NLRP14: variants seen among roughly 807,000 people sequenced by gnomAD.
The protein encoded by NLRP14 is NLR family pyrin domain containing 14, also known as NACHT, LRR and PYD domains-containing protein 14.
In NLRP14, 105 loss-of-function variants were observed where a neutral mutation model predicts 94.7. That is an observed-to-expected ratio of 1.11 (90% CI 0.95 to 1.30). NLRP14 has a LOEUF of 1.30. Ranked by LOEUF, NLRP14 falls within the 50% of genes most tolerant of loss-of-function variation. The pLI is 0.00. For synonymous variants in NLRP14, 508 were observed against 459.9 expected (o/e 1.10, Z -1.34); for missense variants, 1,362 against 1,254.1 (o/e 1.09, Z -1.30).
chr11:7,034,108 G>A (rs926727595), intron 1 of NLRP14, among the ~76,000 whole-genome samples: 8 of 152,200 alleles, frequency 5.3e-5, no homozygotes, highest in Non-Finnish European at 1.0e-4. Flanking sequence ...GTGGGGTGCA[G>A]TTGGGTTAAC....
intron 10 of NLRP14, among the ~76,000 whole-genome samples, chr11:7,067,712 A>G (rs1270211985): frequency 6.6e-6 from 1 of 152,170 alleles, no homozygotes; most frequent in Non-Finnish European, 1.5e-5. Context: ...GTTAATGTTA[A>G]TATTAGTGAC....
chr11:7,028,834 A>T (rs1013930697), intron 1 of NLRP14, among the ~76,000 whole-genome samples: 1 of 152,182 alleles, frequency 6.6e-6, no homozygotes, highest in Admixed American at 6.5e-5. Flanking sequence ...ACTGAGAATT[A>T]AAAAAATGAA....
rs182772894 is a variant in NLRP14, at chr11:7,050,087, G to A, written c.2291+249G>A. ...TCTCCATCTCCTAAATCTGCTGGTGGTGGGAATAAGAGCAGATTCAGAATT... is the reference window on the plus strand; with the variant it reads ...TCTCCATCTCCTAAATCTGCTGGTGATGGGAATAAGAGCAGATTCAGAATT... On this transcript the variant is annotated intron_variant, in intron 6 of 11. Coordinates refer to ENST00000299481, the MANE Select transcript of NLRP14 (RefSeq NM_176822.4). Among the ~76,000 whole-genome samples, 63 of 152,272 alleles carry A rather than the reference G, an allele frequency of 4.1e-4. 1 individual carries two copies. Among genetic ancestry groups the A allele is most frequent in the Non-Finnish European group, 6.8e-4 (46 of 68,038 alleles).
intron 4 of NLRP14, among the ~76,000 whole-genome samples, chr11:7,045,912 C>T (rs1309564119): frequency 2.0e-5 from 3 of 152,002 alleles, no homozygotes; most frequent in African/African-American, 7.3e-5. Context: ...GAAGCTGAGG[C>T]TCACATAGGT....
Position 7,043,615 on chromosome 11 carries a change from G to A in NLRP14, c.1589G>A (p.Cys530Tyr), listed in dbSNP as rs2119621739. ...YKDPHLTQMK[C>Y]FLFGLLNEDR... ...GACCCCCATTTGACACAGATGAAGT[G>A]CTTTTTGTTTGGCCTTTTGAATGAA... Residue 530 changes from cysteine (C) to tyrosine (Y), a missense_variant, in exon 4 of 12, where the codon TGC (cysteine) becomes TAC (tyrosine). Physicochemically the swap from Cys to Tyr is radical, Grantham distance 194. Coordinates refer to ENST00000299481, the MANE Select transcript of NLRP14 (RefSeq NM_176822.4). The A allele has an allele frequency of 1.2e-6, 2 of 1,614,180 alleles. No individual in the cohort carries two copies. Among genetic ancestry groups the A allele is most frequent in the South Asian group, 2.2e-5 (2 of 91,082 alleles).
At chr11:7,025,534 G>T (rs1852002305) in intron 1 of NLRP14, among the ~76,000 whole-genome samples, 1 of 152,116 alleles carries the variant, frequency 6.6e-6, no homozygotes, top group African/African-American at 2.4e-5. Flanking sequence ...ATGTATAAAG[G>T]ATGCAATAAA....
chr11:7,089,084 C>T, the NLRP14 span: 8 of 1,599,950 alleles, frequency 5.0e-6, no homozygotes, highest in African/African-American at 4.0e-5. Context: ...GCCTCACCGC[C>T]TCCCACCGCC....
chr11:7,077,868 A>G, the NLRP14 span, among the ~76,000 whole-genome samples: 1 of 152,294 alleles, frequency 6.6e-6, no homozygotes, highest in South Asian at 2.1e-4. Context: ...GGGTGGGGAC[A>G]CAGCCAAACC....
chr11:7,084,718 TATA>T, the NLRP14 span, among the ~76,000 whole-genome samples: 7 of 152,182 alleles, frequency 4.6e-5, no homozygotes, highest in African/African-American at 1.7e-4. Flanking sequence ...TCATAATCTT[TATA>T]ATAAGCCGGA....
intron 6 of NLRP14, among the ~76,000 whole-genome samples, chr11:7,054,278 G>A (rs1008391422): frequency 1.3e-5 from 2 of 152,040 alleles, no homozygotes; most frequent in Admixed American, 6.6e-5. Flanking sequence ...GGGAGTGCAG[G>A]TATCTCTTCA....
intron 3 of NLRP14, among the ~76,000 whole-genome samples, chr11:7,040,481 C>G (rs888508738): frequency 6.6e-6 from 1 of 152,148 alleles, no homozygotes. Flanking sequence ...CCCTCCCTGC[C>G]CTGCCACCCC....
At chr11:7,089,074 G>C in the NLRP14 span, 1 of 1,588,692 alleles carries the variant, frequency 6.3e-7, no homozygotes, top group East Asian at 2.3e-5. Context: ...GACTGGCGCC[G>C]CCTCACCGCC....
At chr11:7,087,833 C>T in the NLRP14 span, among the ~76,000 whole-genome samples, 3 of 151,904 alleles carry the variant, frequency 2.0e-5, no homozygotes, top group East Asian at 1.9e-4. Flanking sequence ...GCAAAAGTAC[C>T]GAAAGTTATA....
chr11:7,047,580 A>G (rs1371068524), intron 5 of NLRP14, among the ~76,000 whole-genome samples: 1 of 152,096 alleles, frequency 6.6e-6, no homozygotes, highest in Non-Finnish European at 1.5e-5. Flanking sequence ...TGCTGGGATT[A>G]CAGGCATGAG....
the NLRP14 span, chr11:7,089,959 G>C: frequency 6.2e-7 from 1 of 1,613,072 alleles, no homozygotes; most frequent in Non-Finnish European, 8.5e-7. Context: ...GGCTCCCATC[G>C]AGAGCCCTTT....
intron 3 of NLRP14, among the ~76,000 whole-genome samples, chr11:7,041,094 G>A (rs1332451325): frequency 6.6e-6 from 1 of 152,112 alleles, no homozygotes; most frequent in Non-Finnish European, 1.5e-5. Context: ...TTCTCTGTGA[G>A]TATACCAATA....
intron 1 of NLRP14, among the ~76,000 whole-genome samples, chr11:7,036,984 A>G (rs1250762468): frequency 6.6e-6 from 1 of 152,200 alleles, no homozygotes; most frequent in Non-Finnish European, 1.5e-5. Flanking sequence ...AGGTAGAGAA[A>G]TAAGCTATAG....
chr11:7,065,097 T>C (rs1210171201), intron 10 of NLRP14, among the ~76,000 whole-genome samples: 3 of 152,266 alleles, frequency 2.0e-5, no homozygotes, highest in East Asian at 1.9e-4. Context: ...ATTGGAAATA[T>C]CAACTTATCA....
the NLRP14 span, among the ~76,000 whole-genome samples, chr11:7,078,430 T>C: frequency 2.3e-5 from 1 of 43,686 alleles, no homozygotes; most frequent in Non-Finnish European, 4.2e-5. Context: ...AGAGCGAGAC[T>C]CTGTCTCAAA....
Sources: gnomAD v4.1 joint callset for allele counts (sites outside exome capture counted in the v4.1 genomes callset) on GRCh38, gnomAD v4.1.1 for gene constraint, MANE v1.5 for transcripts, NCBI Gene and HGNC (gene_info 2026-07-23, HGNC 2026-07-21) for gene names.